The following ABTB3 variants were observed in gnomAD, a reference collection of about 807,000 sequenced individuals.
The protein encoded by ABTB3 is ankyrin repeat- and BTB/POZ domain-containing protein 3.
the ABTB3 span, chr12:107,635,421 G>C: frequency 6.3e-7 from 1 of 1,593,376 alleles, no homozygotes; most frequent in Non-Finnish European, 8.6e-7. Flanking sequence ...TGTGTTGGCT[G>C]CTGCTTTGTG....
the ABTB3 span, among the ~76,000 whole-genome samples, chr12:107,550,351 C>T: frequency 6.6e-6 from 1 of 152,108 alleles, no homozygotes; most frequent in African/African-American, 2.4e-5. Flanking sequence ...CCCATATCAG[C>T]TCCATGTACC....
the ABTB3 span, among the ~76,000 whole-genome samples, chr12:107,598,457 C>G: frequency 6.6e-6 from 1 of 152,206 alleles, no homozygotes; most frequent in Non-Finnish European, 1.5e-5. Context: ...TATTCCCTAG[C>G]TAAGTGGCCC....
chr12:107,486,548 T>C, the ABTB3 span: 1 of 152,070 alleles, frequency 6.6e-6, no homozygotes, highest in Non-Finnish European at 1.5e-5. Context: ...GTATTCTTTC[T>C]CCCTTCCAAG....
chr12:107,356,537 TGGTTTATA>T, the ABTB3 span, among the ~76,000 whole-genome samples: 167 of 152,266 alleles, frequency 1.1e-3, no homozygotes, highest in African/African-American at 3.9e-3. Flanking sequence ...TTCAAGCTCT[TGGTTTATA>T]GGACTGTGAA....
the ABTB3 span, among the ~76,000 whole-genome samples, chr12:107,560,591 C>T: frequency 2.0e-5 from 3 of 152,172 alleles, no homozygotes; most frequent in South Asian, 6.2e-4. Flanking sequence ...CTGGGAAGAT[C>T]GCTTTTCACA....
the ABTB3 span, among the ~76,000 whole-genome samples, chr12:107,491,690 G>C: frequency 6.6e-6 from 1 of 152,146 alleles, no homozygotes; most frequent in Non-Finnish European, 1.5e-5. Context: ...AGACGTGGTG[G>C]CATGCGCCTG....
At chr12:107,446,922 T>A in the ABTB3 span, among the ~76,000 whole-genome samples, 1 of 152,194 alleles carries the variant, frequency 6.6e-6, no homozygotes, top group East Asian at 1.9e-4. Context: ...AATGATGCTT[T>A]CCAGATAAGA....
the ABTB3 span, among the ~76,000 whole-genome samples, chr12:107,620,893 C>G: frequency 6.6e-6 from 1 of 152,170 alleles, no homozygotes; most frequent in African/African-American, 2.4e-5. Flanking sequence ...CCTGCAGGGC[C>G]CCAGCACCAG....
At chr12:107,320,985 C>T in the ABTB3 span, among the ~76,000 whole-genome samples, 1 of 152,152 alleles carries the variant, frequency 6.6e-6, no homozygotes, top group Non-Finnish European at 1.5e-5. Context: ...CAGTTCTGTC[C>T]TTGAAGGGGG....
the ABTB3 span, among the ~76,000 whole-genome samples, chr12:107,595,130 T>C: frequency 2.0e-5 from 3 of 152,202 alleles, no homozygotes; most frequent in Non-Finnish European, 1.5e-5. Context: ...TGAATGACTT[T>C]GGAAAAAAGA....
chr12:107,617,003 C>T, the ABTB3 span: 8 of 1,338,994 alleles, frequency 6.0e-6, no homozygotes, highest in Non-Finnish European at 8.6e-6. Context: ...GGAGTGCTGG[C>T]ATCTCACCCA....
the ABTB3 span, among the ~76,000 whole-genome samples, chr12:107,333,650 T>C: frequency 2.0e-5 from 3 of 152,230 alleles, no homozygotes; most frequent in Non-Finnish European, 4.4e-5. Context: ...AACCATTCAT[T>C]CGATCATTTG....
the ABTB3 span, among the ~76,000 whole-genome samples, chr12:107,365,922 C>T: frequency 6.6e-6 from 1 of 152,240 alleles, no homozygotes; most frequent in African/African-American, 2.4e-5. Context: ...AACCGCCTCA[C>T]ACTGAGATCC....
the ABTB3 span, among the ~76,000 whole-genome samples, chr12:107,354,024 G>C: frequency 6.6e-6 from 1 of 152,136 alleles, no homozygotes; most frequent in Admixed American, 6.5e-5. Context: ...CCAGTTTTTG[G>C]TGTGTTTTTT....
At chr12:107,464,619 C>T in the ABTB3 span, among the ~76,000 whole-genome samples, 1 of 152,242 alleles carries the variant, frequency 6.6e-6, no homozygotes, top group East Asian at 1.9e-4. Context: ...CCAATGGTGA[C>T]ATTTGACCAG....
chr12:107,438,069 C>G, the ABTB3 span, among the ~76,000 whole-genome samples: 1 of 152,066 alleles, frequency 6.6e-6, no homozygotes, highest in African/African-American at 2.4e-5. Context: ...AATGGGGAGA[C>G]CATCTGAAGG....
At chr12:107,629,992 T>A in the ABTB3 span, among the ~76,000 whole-genome samples, 1 of 151,960 alleles carries the variant, frequency 6.6e-6, no homozygotes, top group Non-Finnish European at 1.5e-5. Context: ...GAGTTCAGAA[T>A]CGTATTGGGT....
chr12:107,607,775 T>C, the ABTB3 span, among the ~76,000 whole-genome samples: 1 of 152,168 alleles, frequency 6.6e-6, no homozygotes, highest in African/African-American at 2.4e-5. Context: ...CATTCCGGAA[T>C]AGTTTTCAGA....
At chr12:107,440,499 C>T in the ABTB3 span, among the ~76,000 whole-genome samples, 4 of 152,200 alleles carry the variant, frequency 2.6e-5, no homozygotes, top group African/African-American at 9.6e-5. Flanking sequence ...GGGCCCCTCC[C>T]TTATTCTCTC....
Sources: gnomAD v4.1 joint callset for allele counts (sites outside exome capture counted in the v4.1 genomes callset) on GRCh38, gnomAD v4.1.1 for gene constraint, MANE v1.5 for transcripts, NCBI Gene and HGNC (gene_info 2026-07-23, HGNC 2026-07-21) for gene names.